The following PEX16 variants were observed in gnomAD, a reference collection of about 807,000 sequenced individuals.
PEX16 encodes peroxisomal biogenesis factor 16.
A neutral mutation model predicts 50.5 loss-of-function variants in PEX16; 37 were observed. The ratio of observed to expected loss-of-function variants is 0.73; its 90% CI spans 0.56 to 0.96. The LOEUF is 0.96. Among genes scored for constraint, PEX16 ranks in the 40% least tolerant of loss-of-function variants. The pLI is 0.00. For synonymous variants in PEX16, 185 were observed against 190.3 expected, an observed-to-expected ratio of 0.97 and a Z score of 0.23; for missense variants, 401 against 438.3, an observed-to-expected ratio of 0.91 and a Z score of 0.76.
intron 9 of PEX16, among the ~76,000 whole-genome samples, chr11:45,912,373 G>T (rs554115783): frequency 1.3e-5 from 2 of 151,322 alleles, no homozygotes; most frequent in African/African-American, 4.9e-5. Flanking sequence ...GGTAATGGGC[G>T]CCTATAGTCC....
At position 45,909,668 on chromosome 11, in the gene PEX16, C is replaced by T. The variant is rs2086754092; in HGVS notation, c.*586G>A. ...CTGGCCAGTGCCCGATGTCCTTTTT[C>T]TAAGGGAGAAAAGCCTTTTACTCTC... On this transcript the variant is annotated 3_prime_UTR_variant, in exon 11 of 11. Transcript: ENST00000378750. 1 of 232,868 alleles carries T rather than the reference C, an allele frequency of 4.3e-6. No homozygotes were observed. Among genetic ancestry groups the T allele is most frequent in the South Asian group, 6.4e-5 (1 of 15,740 alleles). The allele number at this position is 232,868 out of a possible 1,614,324, so 14.4% of individuals were successfully genotyped here. A position where few individuals can be genotyped will look rare whatever the true frequency, so the allele number is the denominator to read the frequency against.
rs1436072125 is a variant in PEX16, at chr11:45,917,750, G to A, written c.62C>T (p.Ala21Val). The A allele has an allele frequency of 6.4e-7, 1 of 1,557,400 alleles. No homozygotes were observed. Among genetic ancestry groups the A allele is most frequent in the Non-Finnish European group, 8.7e-7 (1 of 1,151,522 alleles). Residue 21 changes from alanine (A) to valine (V), a missense_variant, in exon 1 of 11, where the codon GCC becomes GTC. Physicochemically the swap from Ala to Val is moderately conservative, Grantham distance 64. Transcript: ENST00000378750. ...YQEYVTRHPA[A>V]TAQLETAVRG... ...CACTGCTGTCTCCAGCTGGGCCGTG[G>A]CGGCCGGGTGACGAGTCACGTACTC...
chr11:45,911,012 C>A (rs771485445), intron 9 of PEX16, 50 bp from the exon 10 acceptor site: 1 of 1,323,884 alleles, frequency 7.6e-7, no homozygotes, highest in Non-Finnish European at 1.1e-6. Flanking sequence ...GGGGGTGGGT[C>A]CCTGCAAACC....
chr11:45,917,217 G>A, intron 2 of PEX16: 1 of 696,770 alleles, frequency 1.4e-6, no homozygotes. Flanking sequence ...GGTAAGAAAG[G>A]CACTTAGTCC....
At chr11:45,918,685 G>C (rs1228563742), upstream of PEX16, 1 of 152,290 alleles carries the variant, frequency 6.6e-6, no homozygotes, top group Admixed American at 6.5e-5. Context: ...ACTCAGAATC[G>C]ATCTCAGCTT....
At chr11:45,913,289 C>T (rs1229007284) in intron 9 of PEX16, among the ~76,000 whole-genome samples, 1 of 152,176 alleles carries the variant, frequency 6.6e-6, no homozygotes, top group Non-Finnish European at 1.5e-5. Flanking sequence ...CCAAGCTGCC[C>T]CCTGCTCAAC....
At chr11:45,912,979 T>C (rs971985194) in intron 9 of PEX16, among the ~76,000 whole-genome samples, 1 of 147,432 alleles carries the variant, frequency 6.8e-6, no homozygotes. Flanking sequence ...CACACCACCA[T>C]GTCTGGCTAA....
At chr11:45,916,174 A>G (rs1039816976) in intron 3 of PEX16, 53 bp downstream of exon 3, 9 of 1,324,060 alleles carry the variant, frequency 6.8e-6, no homozygotes, top group Non-Finnish European at 9.8e-6. Context: ...AGCTGCTACT[A>G]TTTCATTCCT....
intron 9 of PEX16, among the ~76,000 whole-genome samples, chr11:45,912,274 G>A (rs181349124): frequency 4.6e-5 from 7 of 152,044 alleles, no homozygotes; most frequent in African/African-American, 1.2e-4. Context: ...CGAGGCAGGC[G>A]GATCACGAGG....
chr11:45,914,279 A>G, intron 7 of PEX16, 37 bp downstream of exon 7: 1 of 1,613,654 alleles, frequency 6.2e-7, no homozygotes, highest in Non-Finnish European at 8.5e-7. Flanking sequence ...TCCCCAGCCC[A>G]CAGTGCCAGC....
intron 5 of PEX16, 112 bp downstream of exon 5, chr11:45,915,356 A>T: frequency 1.3e-6 from 1 of 764,500 alleles, no homozygotes; most frequent in Admixed American, 2.0e-5. Flanking sequence ...CATAGTTGAT[A>T]GGGACAGGCG....
In PEX16 at chr11:45,910,164, C is replaced by T. The variant is rs951187268; in HGVS notation, c.*90G>A. ...GCCTGGCCGGTAGGCACGGAGAGGC[C>T]GCACGCTGGGACGCTGCCGGAGTCA... On this transcript the variant is annotated 3_prime_UTR_variant, in exon 11 of 11. Coordinates refer to ENST00000378750, the MANE Select transcript of PEX16 (RefSeq NM_004813.4). 5.6e-6 allele frequency: 9 copies of T among 1,611,968 alleles called. No homozygotes were observed. Among genetic ancestry groups the T allele is most frequent in the African/African-American group, 2.7e-5 (2 of 74,866 alleles).
rs143737124 is a variant in PEX16 at position 45,916,255 on chromosome 11, C to T, written c.197G>A (p.Arg66Gln). 1.1e-5 allele frequency: 18 copies of T among 1,613,978 alleles called. No individual in the cohort carries two copies. Among genetic ancestry groups the T allele is most frequent in the East Asian group, 4.5e-5 (2 of 44,838 alleles). The change falls in exon 3 of 11, where the codon CGG (arginine) becomes CAG (glutamine). Residue 66 changes from arginine (R) to glutamine (Q), a missense_variant. Arg to Gln is a conservative substitution (Grantham distance 43). Transcript: ENST00000378750. ...AGGCAACTTTTTCCGAAGCTCCTTC[C>T]GTAGGATCCCGTCATTGAGCAGCAC... ...LLVLLNDGIL[R>Q]KELRKKLPVS... is the part of the protein sequence containing the mutation.
rs752110548 is a variant in PEX16, at chr11:45,917,466, G to A, written c.140C>T (p.Ser47Leu). The A allele has an allele frequency of 6.2e-7, 1 of 1,613,950 alleles. No individual in the cohort carries two copies. Among genetic ancestry groups the A allele is most frequent in the South Asian group, 1.1e-5 (1 of 91,088 alleles). The change falls in exon 2 of 11, where the codon TCA becomes TTA. Residue 47 changes from serine (S) to leucine (L), a missense_variant. Physicochemically the swap from Ser to Leu is moderately radical, Grantham distance 145. Coordinates refer to ENST00000378750, the MANE Select transcript of PEX16 (RefSeq NM_004813.4). ...CCCAGAGCCCGGCTCACCCAGCTCT[G>A]ACAGCTCGTGCGAATCGGCGAATCG... Reference protein sequence around the residue: ...AGRFADSHELSELVYSASNLL... With the variant: ...AGRFADSHELLELVYSASNLL...
rs1185968115 is a variant in PEX16, at chr11:45,917,850, C to A, written c.-39G>T. ...CCGACAGACCCACAGAAGGACCGTA[C>A]GACAGGCTGCGGCGCCCTGCTTCCT... On this transcript the variant is annotated 5_prime_UTR_variant, in exon 1 of 11. Transcript: ENST00000378750. 1.4e-6 allele frequency: 2 copies of A among 1,412,660 alleles called. No individual in the cohort carries two copies. The highest frequency in any genetic ancestry group is 1.9e-6 in the Non-Finnish European group (2 of 1,034,654). The allele number at this position is 1,412,660 out of a possible 1,614,324, so 87.5% of individuals were successfully genotyped here. A position where few individuals can be genotyped will look rare whatever the true frequency, so the allele number is the denominator to read the frequency against.
intron 3 of PEX16, 145 bp from the exon 4 acceptor site, chr11:45,915,981 A>G: frequency 1.2e-6 from 1 of 851,428 alleles, no homozygotes. Context: ...TCAAACACCA[A>G]CTCCACCATT....
Position 45,910,890 on chromosome 11 carries a change from C to A in PEX16, c.952+8G>T, listed in dbSNP as rs756773793. 2.2e-5 allele frequency: 36 copies of A among 1,613,168 alleles called. No homozygotes were observed. In the South Asian group the frequency reaches 4.0e-4, roughly 18 times the overall value. On this transcript the variant is annotated splice_region_variant and intron_variant, in intron 10 of 10. Coordinates refer to ENST00000378750, the MANE Select transcript of PEX16 (RefSeq NM_004813.4). ...CACTACAGTCATCGCGTCCCCATCCCTGCTTACTTGTGACCAGGCCAACGC... is the reference window on the plus strand; with the variant it reads ...CACTACAGTCATCGCGTCCCCATCCATGCTTACTTGTGACCAGGCCAACGC...
chr11:45,917,116 GT>G, intron 2 of PEX16: 1 of 608,806 alleles, frequency 1.6e-6, no homozygotes. Flanking sequence ...ATCAGTGACT[GT>G]TCTCTAACCT....
chr11:45,910,248 G>A lies in PEX16; in HGVS notation c.*6C>T. On this transcript the variant is annotated 3_prime_UTR_variant, in exon 11 of 11. Coordinates refer to ENST00000378750, the MANE Select transcript of PEX16 (RefSeq NM_004813.4). ...CCCTCCCCACACCCTCCTTCCGGGA[G>A]GTCTGTCAGCCCCAACTGTAGAAGT... 1 of 1,613,738 alleles carries A rather than the reference G, an allele frequency of 6.2e-7. No homozygotes were observed. Among genetic ancestry groups the A allele is most frequent in the Non-Finnish European group, 8.5e-7 (1 of 1,179,876 alleles).
Sources: gnomAD v4.1 joint callset for allele counts (sites outside exome capture counted in the v4.1 genomes callset) on GRCh38, gnomAD v4.1.1 for gene constraint, MANE v1.5 for transcripts, NCBI Gene and HGNC (gene_info 2026-07-23, HGNC 2026-07-21) for gene names.